Variants in SSH2 observed in about 807,000 individuals in gnomAD.
SSH2 encodes protein phosphatase Slingshot homolog 2.
In SSH2, 37 loss-of-function variants were observed where a neutral mutation model predicts 135.2. The observed-to-expected ratio is 0.27, with a 90% CI of 0.21 to 0.36. The LOEUF is 0.36. SSH2 is among the 10% of genes least tolerant of loss of function. SSH2 has a pLI of 1.00. For missense variants in SSH2, 1,408 were observed against 1,765.3 expected, an observed-to-expected ratio of 0.80 and a Z score of 3.63; for synonymous variants, 628 against 646.2, an observed-to-expected ratio of 0.97 and a Z score of 0.43.
At chr17:29,689,248 C>A (rs745576460) in intron 5 of SSH2, among the ~76,000 whole-genome samples, 2 of 152,098 alleles carry the variant, frequency 1.3e-5, no homozygotes, top group East Asian at 3.8e-4. Flanking sequence ...AAGTCTAACG[C>A]CCATCCTGGT....
chr17:29,724,682 C>G (rs181884211), intron 3 of SSH2, among the ~76,000 whole-genome samples: 1 of 143,908 alleles, frequency 6.9e-6, no homozygotes, highest in Non-Finnish European at 1.5e-5. Context: ...CTCCACCTCA[C>G]GGGTTCTAGC....
intron 2 of SSH2, among the ~76,000 whole-genome samples, chr17:29,800,375 A>G (rs2081339693): frequency 6.6e-6 from 1 of 152,242 alleles, no homozygotes; most frequent in South Asian, 2.1e-4. Context: ...ACTATCGGGT[A>G]ATGCAGTTAT....
At chr17:29,910,322 C>T (rs1220709550) in intron 1 of SSH2, among the ~76,000 whole-genome samples, 2 of 46,110 alleles carry the variant, frequency 4.3e-5, no homozygotes, top group African/African-American at 1.4e-4. Context: ...CCCATTGTAA[C>T]CTATAAAAAA....
At chr17:29,852,843 C>T (rs2065589416) in intron 1 of SSH2, among the ~76,000 whole-genome samples, 1 of 151,868 alleles carries the variant, frequency 6.6e-6, no homozygotes, top group Non-Finnish European at 1.5e-5. Flanking sequence ...AGCCACCATG[C>T]CCAGCCAAGA....
chr17:29,835,484 C>T (rs2042927291), intron 2 of SSH2, among the ~76,000 whole-genome samples: 2 of 152,210 alleles, frequency 1.3e-5, no homozygotes, highest in Non-Finnish European at 2.9e-5. Context: ...AAGGATCTAA[C>T]CATCATCTGA....
intron 2 of SSH2, among the ~76,000 whole-genome samples, chr17:29,847,007 A>C (rs186429872): frequency 1.3e-5 from 2 of 152,372 alleles, no homozygotes; most frequent in Non-Finnish European, 2.9e-5. Flanking sequence ...TTCGGTTTAT[A>C]TAAACTCTAC....
At chr17:29,900,081 G>A (rs1272076288) in intron 1 of SSH2, among the ~76,000 whole-genome samples, 1 of 152,174 alleles carries the variant, frequency 6.6e-6, no homozygotes, top group Non-Finnish European at 1.5e-5. Context: ...CTAGCCATAT[G>A]TAGAAAGATG....
At chr17:29,708,589 C>CA (rs61012646) in intron 3 of SSH2, among the ~76,000 whole-genome samples, 211 of 98,904 alleles carry the variant, frequency 2.1e-3, no homozygotes, top group African/African-American at 6.9e-3. Flanking sequence ...AACTCTGCTT[C>CA]AAAAAAAAAA....
At chr17:29,740,291 AC>A (rs905309895) in intron 3 of SSH2, among the ~76,000 whole-genome samples, 3 of 152,184 alleles carry the variant, frequency 2.0e-5, no homozygotes, top group African/African-American at 7.2e-5. Flanking sequence ...GTGAAACTTC[AC>A]CCAAAAGCAC....
chr17:29,749,099 A>T (rs1055640087), intron 3 of SSH2, among the ~76,000 whole-genome samples: 2 of 152,194 alleles, frequency 1.3e-5, no homozygotes, highest in African/African-American at 4.8e-5. Context: ...GTAAATTAGC[A>T]ATAGTAAGAA....
intron 3 of SSH2, among the ~76,000 whole-genome samples, chr17:29,792,532 T>C (rs1271289127): frequency 6.6e-6 from 1 of 152,164 alleles, no homozygotes; most frequent in Non-Finnish European, 1.5e-5. Flanking sequence ...GCCCACAATT[T>C]ATGTGTTAAC....
At chr17:29,797,282 T>G (rs992466602) in intron 2 of SSH2, among the ~76,000 whole-genome samples, 79 of 152,244 alleles carry the variant, frequency 5.2e-4, no homozygotes, top group African/African-American at 1.9e-3. Context: ...TCACAGCCAT[T>G]CCCAGTCAAA....
chr17:29,833,924 C>T lies in SSH2; in HGVS notation c.144+14925G>A, dbSNP rs189426577. ...CCTTCCTTCCCTCCCTCCCTGCCTCCTTCCCTCCCTCCCTCCCTGCCTCCT... is the reference window on the plus strand; with the variant it reads ...CCTTCCTTCCCTCCCTCCCTGCCTCTTTCCCTCCCTCCCTCCCTGCCTCCT... On this transcript the variant is annotated intron_variant, in intron 2 of 15. Transcript: ENST00000540801. Among the ~76,000 whole-genome samples the T allele has an allele frequency of 4.5e-3, 552 of 123,280 alleles. 17 individuals carry two copies. Among genetic ancestry groups the T allele is most frequent in the Admixed American group, 0.044 (501 of 11,384 alleles). The allele number at this position is 123,280 out of a possible 152,430, so 80.9% of individuals were successfully genotyped here.
At chr17:29,917,092 G>A (rs2066895831) in intron 1 of SSH2, among the ~76,000 whole-genome samples, 1 of 151,144 alleles carries the variant, frequency 6.6e-6, no homozygotes. Flanking sequence ...AGGTGGGAGA[G>A]CAAAGAATAG....
chr17:29,893,832 T>C (rs1180460772), intron 1 of SSH2, among the ~76,000 whole-genome samples: 2 of 152,188 alleles, frequency 1.3e-5, no homozygotes, highest in Non-Finnish European at 2.9e-5. Flanking sequence ...TCTTGACTAT[T>C]AAATTCTTCC....
In SSH2 at chr17:29,709,015, T is replaced by TATATATAGAGAGAG. The variant is rs780981175; in HGVS notation, c.189-5954_189-5953insCTCTCTCTATATAT. Among the ~76,000 whole-genome samples, 505 of 81,568 alleles carry TATATATAGAGAGAG rather than the reference T, an allele frequency of 6.2e-3. 10 individuals are homozygous for TATATATAGAGAGAG. The highest frequency in any genetic ancestry group is 9.7e-3 in the Non-Finnish European group (395 of 40,686). The allele number at this position is 81,568 out of a possible 152,430, so 53.5% of individuals were successfully genotyped here. On this transcript the variant is annotated intron_variant, in intron 3 of 15. Coordinates refer to ENST00000540801, the MANE Select transcript of SSH2 (RefSeq NM_001282129.2). ...AGAAATATATATATATATATATATA[T>TATATATAGAGAGAG]AGAGAGAGAGAGAGAGAGAGAGAGA...
At chr17:29,712,693 A>G (rs567968472) in intron 3 of SSH2, among the ~76,000 whole-genome samples, 1 of 152,252 alleles carries the variant, frequency 6.6e-6, no homozygotes, top group South Asian at 2.1e-4. Flanking sequence ...AATCCCAGCT[A>G]CTCGGAAGGC....
intron 2 of SSH2, among the ~76,000 whole-genome samples, chr17:29,841,049 A>G (rs968806091): frequency 9.9e-5 from 15 of 152,178 alleles, no homozygotes; most frequent in Non-Finnish European, 1.9e-4. Flanking sequence ...TCACATGGTC[A>G]AGAAGTCAGG....
rs1465620986 is a variant in SSH2, at chr17:29,631,341, C to A, written c.3853G>T (p.Ala1285Ser). The A allele has an allele frequency of 6.2e-7, 1 of 1,614,138 alleles. No homozygotes were observed. Among genetic ancestry groups the A allele is most frequent in the Non-Finnish European group, 8.5e-7 (1 of 1,180,026 alleles). The change falls in exon 16 of 16, where the codon GCT (alanine) becomes TCT (serine). Residue 1285 changes from alanine (A) to serine (S), a missense_variant. Ala to Ser is a moderately conservative substitution (Grantham distance 99). Around this residue, in one of 3 missense-constraint regions of SSH2, gnomAD observed 1,080 missense variants for 1,144.5 expected, o/e 0.94. Transcript: ENST00000540801. ...AAGTAACCTAATTTGGCGAGAGAAG[C>A]TGAGCGCCTCATTTGGGATGGTTTG... The part of the protein sequence containing the change: ...LTKPSQMRRS[A>S]SLAKLGYLDL...
Sources: gnomAD v4.1 joint callset for allele counts (sites outside exome capture counted in the v4.1 genomes callset) on GRCh38, gnomAD v4.1.1 for gene constraint, gnomAD v4.1.1 regional missense constraint, MANE v1.5 for transcripts, NCBI Gene and HGNC (gene_info 2026-07-23, HGNC 2026-07-21) for gene names.